Variants in MAPRE2 observed in about 807,000 individuals in gnomAD.
The protein encoded by MAPRE2 is microtubule-associated protein RP/EB family member 2.
Under a neutral mutation model 43.2 loss-of-function variants are expected in MAPRE2, and 13 were observed. The observed-to-expected ratio is 0.30, with a 90% CI of 0.20 to 0.48. The LOEUF (loss-of-function observed/expected upper bound fraction) is 0.48. Ranked by LOEUF, MAPRE2 falls within the 20% of genes least tolerant of loss-of-function variation. The pLI is 0.99. For synonymous variants in MAPRE2, 135 were observed against 148.8 expected (o/e 0.91, Z 0.68); for missense variants, 161 against 400.2 (o/e 0.40, Z 5.10).
intron 1 of MAPRE2, among the ~76,000 whole-genome samples, chr18:35,059,061 T>C (rs1296565945): frequency 1.3e-5 from 2 of 152,368 alleles, no homozygotes; most frequent in Middle Eastern, 3.4e-3. Flanking sequence ...AAAAAATTCC[T>C]GTTTTACTCT....
chr18:35,137,704 AGAGC>A (rs1910449865), intron 6 of MAPRE2, among the ~76,000 whole-genome samples: 3 of 152,222 alleles, frequency 2.0e-5, no homozygotes, highest in African/African-American at 7.2e-5. Flanking sequence ...TGGAGGGCTC[AGAGC>A]CCGGCTGGAG....
chr18:34,987,757 C>G (rs535279054), intron 1 of MAPRE2, among the ~76,000 whole-genome samples: 5 of 152,212 alleles, frequency 3.3e-5, no homozygotes, highest in African/African-American at 9.6e-5. Flanking sequence ...ATCCTCCCAC[C>G]TCAGCCTCTT....
At chr18:35,078,468 T>C (rs1432479952) in intron 2 of MAPRE2, among the ~76,000 whole-genome samples, 2 of 152,194 alleles carry the variant, frequency 1.3e-5, no homozygotes, top group Non-Finnish European at 2.9e-5. Flanking sequence ...TTTTTATATG[T>C]ATTATTTCTT....
intron 1 of MAPRE2, among the ~76,000 whole-genome samples, chr18:34,998,772 A>ATTTTTTTTTTTTTTTTTTTTTTT (rs67933808): frequency 6.4e-5 from 6 of 93,726 alleles, no homozygotes; most frequent in African/African-American, 2.5e-4. Context: ...CGAAGTTGCA[A>ATTTTTTTTTTTTTTTTTTTTTTT]TTTTTTTTTT....
At chr18:35,049,192 A>G (rs1905807950) in intron 1 of MAPRE2, among the ~76,000 whole-genome samples, 1 of 152,206 alleles carries the variant, frequency 6.6e-6, no homozygotes, top group Non-Finnish European at 1.5e-5. Context: ...TTATGTTCAC[A>G]GCTATACTTT....
chr18:35,012,794 G>A (rs574368951), intron 2 of MAPRE2, among the ~76,000 whole-genome samples: 2 of 152,092 alleles, frequency 1.3e-5, no homozygotes, highest in Non-Finnish European at 2.9e-5. Context: ...TCAGTTTAGG[G>A]GAATGAAAAC....
At chr18:35,073,073 C>T (rs1907188086) in intron 2 of MAPRE2, among the ~76,000 whole-genome samples, 1 of 152,050 alleles carries the variant, frequency 6.6e-6, no homozygotes, top group Non-Finnish European at 1.5e-5. Context: ...AGCAGATGAC[C>T]TTCTAAATCG....
Position 35,084,805 on chromosome 18 carries a change from A to C in MAPRE2, c.251-12641A>C, listed in dbSNP as rs1410430402. On this transcript the variant is annotated intron_variant, in intron 2 of 6. Coordinates refer to ENST00000300249, the MANE Select transcript of MAPRE2 (RefSeq NM_014268.4). ...CTGACAATGTCAGGTAGTGGAGAGA[A>C]GCAGGAAGCTCAGCTGAGGACCATG... 3.9e-5 allele frequency among the ~76,000 whole-genome samples: 6 copies of C among 152,240 alleles called. 1 individual carries two copies.
intron 1 of MAPRE2, among the ~76,000 whole-genome samples, chr18:35,066,991 GTGT>G (rs1294740689): frequency 6.6e-6 from 1 of 152,220 alleles, no homozygotes; most frequent in Non-Finnish European, 1.5e-5. Flanking sequence ...CTCATTTAAT[GTGT>G]TGTTATTTTA....
At chr18:34,985,963 C>A (rs2097020799) in intron 1 of MAPRE2, among the ~76,000 whole-genome samples, 1 of 151,602 alleles carries the variant, frequency 6.6e-6, no homozygotes, top group Admixed American at 6.6e-5. Context: ...AGAGCAGGGA[C>A]TTCATAATTA....
At chr18:35,049,612 G>T (rs544067603) in intron 1 of MAPRE2, among the ~76,000 whole-genome samples, 1 of 152,134 alleles carries the variant, frequency 6.6e-6, no homozygotes, top group African/African-American at 2.4e-5. Flanking sequence ...GATGTGAGAT[G>T]GAGAGGTTCC....
intron 1 of MAPRE2, among the ~76,000 whole-genome samples, chr18:34,992,792 T>C (rs1021615557): frequency 1.6e-4 from 24 of 152,156 alleles, no homozygotes; most frequent in Admixed American, 1.6e-3. Flanking sequence ...TTATAGCTGT[T>C]CAAAATACGA....
chr18:34,985,453 C>CTATATTGTATATTATATAA (rs2097019857), intron 1 of MAPRE2, among the ~76,000 whole-genome samples: 2 of 35,800 alleles, frequency 5.6e-5, no homozygotes, highest in African/African-American at 2.7e-4. Flanking sequence ...ATTTATATAA[C>CTATATTGTATATTATATAA]TATATTGTAT....
At position 35,025,342 on chromosome 18, in the gene MAPRE2, A is replaced by G. The variant is rs1272487287; in HGVS notation, c.-8+19789A>G. ...AAACTTTTTTTGGAGCTTGTCATCCAGCCTCAAAACTTACCCTCTGTGGAT... is the reference window on the plus strand; with the variant it reads ...AAACTTTTTTTGGAGCTTGTCATCCGGCCTCAAAACTTACCCTCTGTGGAT... On this transcript the variant is annotated intron_variant, in intron 2 of 7. Coordinates refer to the MAPRE2 transcript ENST00000413393. Among the ~76,000 whole-genome samples, 5 of 152,262 alleles carry G rather than the reference A, an allele frequency of 3.3e-5. No individual in the cohort carries two copies. The East Asian group carries it at 9.6e-4, about 29-fold the overall frequency.
intron 2 of MAPRE2, among the ~76,000 whole-genome samples, chr18:35,006,726 G>A (rs910081085): frequency 2.0e-5 from 3 of 152,180 alleles, no homozygotes; most frequent in Admixed American, 6.5e-5. Flanking sequence ...ACTTTTGTAG[G>A]CTGAGGTGAG....
intron 1 of MAPRE2, among the ~76,000 whole-genome samples, chr18:34,987,335 AGTG>A (rs2097021554): frequency 6.6e-6 from 1 of 152,164 alleles, no homozygotes; most frequent in Non-Finnish European, 1.5e-5. Flanking sequence ...ATCACCTAGG[AGTG>A]TCTTAAAATG....
chr18:35,009,817 C>A (rs190255919), intron 2 of MAPRE2, among the ~76,000 whole-genome samples: 104 of 152,296 alleles, frequency 6.8e-4, no homozygotes, highest in Admixed American at 2.5e-3. Flanking sequence ...ATAATCTAAT[C>A]CAACATCTCA....
chr18:35,109,503 T>C (rs1909075247), intron 4 of MAPRE2, among the ~76,000 whole-genome samples: 1 of 152,206 alleles, frequency 6.6e-6, no homozygotes, highest in African/African-American at 2.4e-5. Flanking sequence ...AGAATGTCAA[T>C]GGTAGTTTGA....
chr18:34,994,240 T>G (rs1329141312), intron 1 of MAPRE2, among the ~76,000 whole-genome samples: 1 of 151,966 alleles, frequency 6.6e-6, no homozygotes, highest in Non-Finnish European at 1.5e-5. Flanking sequence ...TCCAAAAAAT[T>G]TGAAGGAAAT....
Sources: allele counts gnomAD v4.1 joint callset (sites outside exome capture counted in the v4.1 genomes callset), GRCh38; gene constraint gnomAD v4.1.1; transcripts MANE v1.5; gene names NCBI Gene and HGNC (gene_info 2026-07-23, HGNC 2026-07-21).